The following RBFOX3 variants were observed in gnomAD, a reference collection of about 807,000 sequenced individuals.
RBFOX3 encodes the protein RNA binding fox-1 homolog 3, also known as RNA binding protein fox-1 homolog 3.
In RBFOX3, 17 loss-of-function variants were observed where a neutral mutation model predicts 48.7. The ratio of observed to expected loss-of-function variants is 0.35; its 90% CI spans 0.24 to 0.52. RBFOX3 has a LOEUF of 0.52. Ranked by LOEUF, RBFOX3 falls within the 20% of genes least tolerant of loss-of-function variation. The pLI, the probability that RBFOX3 is intolerant of heterozygous loss-of-function variation, is 0.94. For synonymous variants in RBFOX3, 212 were observed against 209.5 expected (o/e 1.01, Z -0.10); for missense variants, 382 against 497.5 (o/e 0.77, Z 2.21).
In RBFOX3 at chr17:79,115,667, C is replaced by T. The variant is rs762990060; in HGVS notation, c.49G>A (p.Gly17Ser). Residue 17 changes from glycine (G) to serine (S), a missense_variant, in exon 5 of 15, where the codon GGC becomes AGC. By Grantham distance (56) the Gly-to-Ser change is moderately conservative. Around this residue, in one of 3 missense-constraint regions of RBFOX3, gnomAD observed 118 missense variants for 132.1 expected, o/e 0.89. Coordinates refer to ENST00000693108, the MANE Select transcript of RBFOX3 (RefSeq NM_001350451.2). The stretch of plus-strand genomic sequence containing the variant: ...GGCGGGGCGTACTCGGCAGGGATGC[C>T]GTTCTGTGGCGGAGGGGGGTACTGG... ...PAQYPPPPQN[G>S]IPAEYAPPPP... 36 of 893,548 alleles carry T rather than the reference C, an allele frequency of 4.0e-5. No homozygotes were observed. Among genetic ancestry groups the T allele is most frequent in the South Asian group, 3.1e-4 (17 of 54,426 alleles). The allele number at this position is 893,548 out of a possible 1,614,324, so 55.4% of individuals were successfully genotyped here.
intron 3 of RBFOX3, among the ~76,000 whole-genome samples, chr17:79,247,011 C>T (rs2063271077): frequency 6.6e-6 from 1 of 152,202 alleles, no homozygotes; most frequent in South Asian, 2.1e-4. Context: ...GTCCTTTCTC[C>T]TTTGGGAGAT....
chr17:79,585,054 G>A (rs978057730), intron 1 of RBFOX3, among the ~76,000 whole-genome samples: 2 of 151,796 alleles, frequency 1.3e-5, no homozygotes, highest in East Asian at 2.0e-4. Context: ...CGTGAGCCAC[G>A]GCGCCCAGCC....
chr17:79,144,643 C>T (rs1025148360), intron 4 of RBFOX3, among the ~76,000 whole-genome samples: 3 of 152,214 alleles, frequency 2.0e-5, no homozygotes, highest in Admixed American at 6.5e-5. Context: ...ACCCCTCTCC[C>T]GGCCCTGGGA....
At chr17:79,420,040 T>C (rs1598612459) in intron 2 of RBFOX3, among the ~76,000 whole-genome samples, 1 of 151,874 alleles carries the variant, frequency 6.6e-6, no homozygotes, top group East Asian at 1.9e-4. Context: ...GGCAGGAGAA[T>C]CGCTTGAACC....
At chr17:79,309,209 T>C (rs1373906443) in intron 2 of RBFOX3, among the ~76,000 whole-genome samples, 2 of 152,104 alleles carry the variant, frequency 1.3e-5, no homozygotes, top group Non-Finnish European at 2.9e-5. Flanking sequence ...GTGGCTTGTA[T>C]TCCTCAAAGC....
intron 4 of RBFOX3, among the ~76,000 whole-genome samples, chr17:79,139,079 T>C (rs528594186): frequency 6.3e-5 from 9 of 143,548 alleles, no homozygotes; most frequent in Admixed American, 6.2e-4. Flanking sequence ...CACACACACA[T>C]GCACACAAGC....
intron 2 of RBFOX3, among the ~76,000 whole-genome samples, chr17:79,425,639 T>C (rs2067220266): frequency 2.0e-5 from 3 of 152,198 alleles, no homozygotes; most frequent in Admixed American, 2.0e-4. Flanking sequence ...GGGATCAACC[T>C]TGGGGCGGCA....
chr17:79,586,019 G>A (rs2093238730), intron 1 of RBFOX3, among the ~76,000 whole-genome samples: 1 of 152,212 alleles, frequency 6.6e-6, no homozygotes, highest in Admixed American at 6.5e-5. Context: ...TCCCAGCATG[G>A]AGGCTTGCCC....
At chr17:79,151,940 G>A (rs2044609676) in intron 4 of RBFOX3, among the ~76,000 whole-genome samples, 1 of 64,400 alleles carries the variant, frequency 1.6e-5, no homozygotes, top group African/African-American at 4.5e-5. Flanking sequence ...ACCTACAGAG[G>A]GAGGCGCGGA....
intron 4 of RBFOX3, among the ~76,000 whole-genome samples, chr17:79,218,479 G>A (rs774503360): frequency 6.6e-6 from 1 of 152,138 alleles, no homozygotes. Context: ...GCACTGGCCC[G>A]GCCCCCAGGG....
intron 3 of RBFOX3, among the ~76,000 whole-genome samples, chr17:79,302,510 T>A (rs1474145883): frequency 6.6e-6 from 1 of 152,090 alleles, no homozygotes; most frequent in Admixed American, 6.6e-5. Flanking sequence ...TGAAACCCCT[T>A]CTCTACTAAA....
At chr17:79,448,675 G>A (rs1198132737) in intron 2 of RBFOX3, among the ~76,000 whole-genome samples, 1 of 152,178 alleles carries the variant, frequency 6.6e-6, no homozygotes, top group Admixed American at 6.5e-5. Context: ...TAGGCCCCCA[G>A]AAAGCGGTCA....
At chr17:79,555,194 G>C (rs1309275624) in intron 1 of RBFOX3, among the ~76,000 whole-genome samples, 3 of 152,226 alleles carry the variant, frequency 2.0e-5, no homozygotes, top group Non-Finnish European at 4.4e-5. Context: ...AAATCACATG[G>C]GTGATAGCTA....
intron 2 of RBFOX3, among the ~76,000 whole-genome samples, chr17:79,427,096 C>G (rs1555725919): frequency 1.3e-5 from 2 of 152,220 alleles, no homozygotes; most frequent in African/African-American, 4.8e-5. Context: ...TCCCGAAGCT[C>G]TCTACATCCT....
rs752855998 is a variant in RBFOX3, at chr17:79,401,885, C to G, written c.-175+80569G>C. ...TGCCTTGATCCTGGACTCTGGCCTC[C>G]TGAGCTGTGAGAGCATAAATGCTGC... On this transcript the variant is annotated intron_variant, in intron 2 of 14. Transcript: ENST00000693108. Among the ~76,000 whole-genome samples, 5 of 152,362 alleles carry G rather than the reference C, an allele frequency of 3.3e-5. No individual in the cohort carries two copies. The East Asian group carries it at 5.8e-4, about 18-fold the overall frequency.
chr17:79,584,114 A>G (rs1156999324), intron 1 of RBFOX3, among the ~76,000 whole-genome samples: 1 of 152,152 alleles, frequency 6.6e-6, no homozygotes, highest in African/African-American at 2.4e-5. Context: ...AAGAAGATAT[A>G]CCAATGGCCA....
intron 4 of RBFOX3, chr17:79,234,857 A>T (rs1029409704): frequency 6.7e-6 from 1 of 148,764 alleles, no homozygotes; most frequent in African/African-American, 2.5e-5. Context: ...TCGGCCTACC[A>T]GTAGCTGGGA....
chr17:79,465,378 ATCCT>A (rs2076171257), intron 2 of RBFOX3, among the ~76,000 whole-genome samples: 1 of 152,100 alleles, frequency 6.6e-6, no homozygotes, highest in Non-Finnish European at 1.5e-5. Flanking sequence ...ATCTCACGCA[ATCCT>A]GTTAAGTACA....
intron 2 of RBFOX3, among the ~76,000 whole-genome samples, chr17:79,346,713 T>C (rs1003962021): frequency 6.6e-6 from 1 of 152,366 alleles, no homozygotes; most frequent in East Asian, 1.9e-4. Flanking sequence ...AAACTTCCTA[T>C]TCATTTATTA....
Sources: allele counts gnomAD v4.1 joint callset (sites outside exome capture counted in the v4.1 genomes callset), GRCh38; gene constraint gnomAD v4.1.1; regional missense constraint gnomAD v4.1.1; transcripts MANE v1.5; gene names NCBI Gene and HGNC (gene_info 2026-07-23, HGNC 2026-07-21).